ATP10B: variants seen among roughly 807,000 people sequenced by gnomAD.
ATP10B encodes the protein ATPase phospholipid transporting 10B (putative).
Under a neutral mutation model 141.2 loss-of-function variants are expected in ATP10B, and 122 were observed. The ratio of observed to expected loss-of-function variants is 0.86; its 90% confidence interval spans 0.75 to 1.00. The LOEUF (loss-of-function observed/expected upper bound fraction) is 1.00. ATP10B is among the 50% of genes least tolerant of loss of function. The pLI is 0.00. For missense variants in ATP10B, 1,876 were observed against 1,825.3 expected (o/e 1.03, Z -0.51); for synonymous variants, 685 against 692.0 (o/e 0.99, Z 0.16).
intron 1 of ATP10B, among the ~76,000 whole-genome samples, chr5:160,798,752 T>C (rs1032208710): frequency 7.0e-6 from 1 of 143,204 alleles, no homozygotes; most frequent in African/African-American, 2.8e-5. Flanking sequence ...CTATTTTTTT[T>C]TTTTTTTTTT....
At chr5:160,878,470 T>C in the ATP10B span, among the ~76,000 whole-genome samples, 1 of 152,284 alleles carries the variant, frequency 6.6e-6, no homozygotes, top group South Asian at 2.1e-4. Flanking sequence ...GACATAGGCA[T>C]GGGCAAGGAC....
Position 160,830,516 on chromosome 5 carries a change from T to A in ATP10B, c.-576+21425A>T, listed in dbSNP as rs116075769. On this transcript the variant is annotated intron_variant, in intron 1 of 25. Coordinates refer to ENST00000327245, the MANE Select transcript of ATP10B (RefSeq NM_025153.3). ...TGAGCCTTAAAAACCAATGCTTTGCTTTTTCAAGTGTGCTCCCAGCTGTAG... is the reference window on the plus strand; with the variant it reads ...TGAGCCTTAAAAACCAATGCTTTGCATTTTCAAGTGTGCTCCCAGCTGTAG... 6.1e-3 allele frequency among the ~76,000 whole-genome samples: 933 copies of A among 152,198 alleles called. 15 individuals are homozygous for A. The highest frequency in any genetic ancestry group is 0.022 in the African/African-American group (899 of 41,552).
At chr5:160,840,934 G>A (rs1409304024) in intron 1 of ATP10B, among the ~76,000 whole-genome samples, 1 of 152,114 alleles carries the variant, frequency 6.6e-6, no homozygotes, top group Non-Finnish European at 1.5e-5. Flanking sequence ...AAAATTCAAA[G>A]CTTGATGATA....
chr5:160,575,173 A>G (rs188608630), intron 24 of ATP10B, among the ~76,000 whole-genome samples: 1 of 149,082 alleles, frequency 6.7e-6, no homozygotes, highest in Non-Finnish European at 1.5e-5. Flanking sequence ...GGTAAATTTT[A>G]CCAAACTTAA....
intron 23 of ATP10B, 126 bp from the exon 24 acceptor site, chr5:160,589,822 T>A (rs1756161940): frequency 2.9e-6 from 2 of 690,774 alleles, no homozygotes; most frequent in South Asian, 3.3e-5. Context: ...AGCTGCCATC[T>A]GTGTGGTACT....
chr5:160,906,935 T>C, the ATP10B span, among the ~76,000 whole-genome samples: 2 of 152,156 alleles, frequency 1.3e-5, no homozygotes, highest in East Asian at 3.8e-4. Flanking sequence ...TTGGGTCTTG[T>C]TTGACCTGTA....
intron 6 of ATP10B, among the ~76,000 whole-genome samples, chr5:160,679,602 C>T (rs1328832586): frequency 3.9e-5 from 6 of 152,206 alleles, no homozygotes; most frequent in Non-Finnish European, 1.5e-5. Context: ...GGTAGGCTAC[C>T]GAAGCACGTG....
chr5:160,828,279 C>T (rs951934583), intron 1 of ATP10B, among the ~76,000 whole-genome samples: 42 of 152,246 alleles, frequency 2.8e-4, no homozygotes, highest in African/African-American at 9.6e-4. Flanking sequence ...AGGCAACCTA[C>T]AAAATGGGAG....
At chr5:160,848,789 G>C (rs1029774106) in intron 1 of ATP10B, among the ~76,000 whole-genome samples, 2 of 152,172 alleles carry the variant, frequency 1.3e-5, no homozygotes, top group Non-Finnish European at 2.9e-5. Context: ...AGAGTTGAGA[G>C]GGAAAACTTT....
chr5:160,634,580 G>A lies in ATP10B; in HGVS notation c.1155C>T (p.Val385=), dbSNP rs767619824. 5.0e-6 allele frequency: 8 copies of A among 1,612,122 alleles called. No homozygotes were observed. In the East Asian group the frequency reaches 1.3e-4, roughly 27 times the overall value. The stretch of plus-strand genomic sequence containing the variant: ...GCCCGAGCTTCACCAGCTCAATGGA[G>A]ACATACAAAGAGATGGGGATCAGCA... ...LQVLIPISLY[V]SIELVKLGQV... The change falls in exon 12 of 26, where the codon GTC becomes GTT. Residue 385 remains valine (V), a synonymous_variant. Transcript: ENST00000327245.
chr5:160,589,038 G>A (rs1326357392), intron 24 of ATP10B, among the ~76,000 whole-genome samples: 1 of 152,096 alleles, frequency 6.6e-6, no homozygotes, highest in Non-Finnish European at 1.5e-5. Context: ...TTGAGATGGA[G>A]TCTCACTCTG....
At chr5:160,898,587 C>T in the ATP10B span, among the ~76,000 whole-genome samples, 167 of 152,248 alleles carry the variant, frequency 1.1e-3, 1 homozygote, top group African/African-American at 3.6e-3. Context: ...GACAGTGTGA[C>T]GATTCCTCAA....
chr5:160,676,274 A>C (rs1763024544), intron 6 of ATP10B, among the ~76,000 whole-genome samples: 1 of 152,302 alleles, frequency 6.6e-6, no homozygotes, highest in Non-Finnish European at 1.5e-5. Flanking sequence ...GCTTCAGAGG[A>C]CATGGAAGTC....
intron 2 of ATP10B, among the ~76,000 whole-genome samples, chr5:160,772,679 A>AG (rs1456640471): frequency 2.0e-5 from 3 of 152,300 alleles, no homozygotes; most frequent in East Asian, 3.9e-4. Flanking sequence ...GTGATCTGAC[A>AG]GGGGGTGGAG....
rs773650952 is a variant in ATP10B, at chr5:160,617,905, A to G, written c.2485T>C (p.Tyr829His). ...RARTQKHLDLYARDGLRTLCI... is the reference protein window; with the variant it reads ...RARTQKHLDLHARDGLRTLCI... ...AGTGTGCGCAGGCCATCTCTTGCATACAAGTCTAGATGCTTTTGGGTCCGG... is the reference window on the plus strand; with the variant it reads ...AGTGTGCGCAGGCCATCTCTTGCATGCAAGTCTAGATGCTTTTGGGTCCGG... The change falls in exon 16 of 26, where the codon TAT becomes CAT. Residue 829 changes from tyrosine (Y) to histidine (H), a missense_variant. By Grantham distance (83) the Tyr-to-His change is moderately conservative. Transcript: ENST00000327245. 6.2e-7 allele frequency: 1 copy of G among 1,614,198 alleles called. No homozygotes were observed. The highest frequency in any genetic ancestry group is 8.5e-7 in the Non-Finnish European group (1 of 1,180,008).
intron 22 of ATP10B, among the ~76,000 whole-genome samples, chr5:160,593,862 C>G (rs565341008): frequency 6.6e-6 from 1 of 152,276 alleles, no homozygotes; most frequent in East Asian, 1.9e-4. Context: ...CAAACAAAGC[C>G]TCCAAGAAAT....
intron 6 of ATP10B, among the ~76,000 whole-genome samples, chr5:160,675,452 T>C (rs1031283436): frequency 6.6e-6 from 1 of 151,994 alleles, no homozygotes; most frequent in Non-Finnish European, 1.5e-5. Context: ...CTGGATGCCA[T>C]GGGGGAGCAG....
At chr5:160,687,701 G>A (rs138060527) in intron 5 of ATP10B, 99 bp downstream of exon 5, 3 of 1,346,282 alleles carry the variant, frequency 2.2e-6, no homozygotes, top group Middle Eastern at 4.9e-4. Context: ...GGAGGTGAAG[G>A]TTGCAGTGAG....
At chr5:160,704,234 A>G (rs1162182706) in intron 3 of ATP10B, among the ~76,000 whole-genome samples, 2 of 151,276 alleles carry the variant, frequency 1.3e-5, no homozygotes, top group Non-Finnish European at 2.9e-5. Flanking sequence ...TTTTATTATT[A>G]TTGTTCGTAG....
Sources: gnomAD v4.1 joint callset for allele counts (sites outside exome capture counted in the v4.1 genomes callset) on GRCh38, gnomAD v4.1.1 for gene constraint, MANE v1.5 for transcripts, NCBI Gene and HGNC (gene_info 2026-07-23, HGNC 2026-07-21) for gene names.